The following DPP10 variants were observed in gnomAD, a reference collection of about 807,000 sequenced individuals.
The protein encoded by DPP10 is dipeptidyl peptidase like 10.
Under a neutral mutation model 120.9 loss-of-function variants are expected in DPP10, and 33 were observed. The ratio of observed to expected loss-of-function variants is 0.27; its 90% CI spans 0.21 to 0.37. The LOEUF (loss-of-function observed/expected upper bound fraction) is 0.37. DPP10 is among the 10% of genes least tolerant of loss of function. The pLI is 1.00. For synonymous variants in DPP10, 337 were observed against 326.1 expected, an observed-to-expected ratio of 1.03 and a Z score of -0.36; for missense variants, 816 against 942.8, an observed-to-expected ratio of 0.87 and a Z score of 1.76.
chr2:115,048,143 G>A (rs375370406), intron 1 of DPP10, among the ~76,000 whole-genome samples: 2 of 152,094 alleles, frequency 1.3e-5, no homozygotes, highest in East Asian at 3.8e-4. Context: ...ACGGTCAACA[G>A]CGTATTGTAT....
intron 1 of DPP10, among the ~76,000 whole-genome samples, chr2:115,246,807 G>A (rs1451487802): frequency 6.6e-6 from 1 of 152,070 alleles, no homozygotes. Context: ...AGTAAAATAA[G>A]TATAACCACA....
chr2:115,438,051 G>C (rs1170930553), intron 3 of DPP10, among the ~76,000 whole-genome samples: 1 of 152,000 alleles, frequency 6.6e-6, no homozygotes, highest in Non-Finnish European at 1.5e-5. Context: ...AAAAATGAGA[G>C]ATGGGCCTGT....
At chr2:115,710,932 G>T (rs1251662376) in intron 7 of DPP10, among the ~76,000 whole-genome samples, 1 of 152,016 alleles carries the variant, frequency 6.6e-6, no homozygotes, top group African/African-American at 2.4e-5. Context: ...AGAAACAACA[G>T]GACTTGAGTT....
chr2:114,547,355 C>T (rs1256464905), intron 1 of DPP10, among the ~76,000 whole-genome samples: 1 of 152,202 alleles, frequency 6.6e-6, no homozygotes. Context: ...GCATGGGAGG[C>T]ATCGGGGTTG....
chr2:114,834,324 T>C (rs187174984), intron 1 of DPP10, among the ~76,000 whole-genome samples: 103 of 151,566 alleles, frequency 6.8e-4, no homozygotes, highest in African/African-American at 2.4e-3. Context: ...AAGCCATGTC[T>C]ACACACCTAT....
chr2:114,808,617 C>A (rs1229181495), intron 1 of DPP10, among the ~76,000 whole-genome samples: 1 of 151,454 alleles, frequency 6.6e-6, no homozygotes, highest in African/African-American at 2.4e-5. Context: ...AACCGTTTAC[C>A]GTGGCCTACA....
Position 115,613,164 on chromosome 2 carries a change from G to A in DPP10, c.442-76523G>A, listed in dbSNP as rs1173686704. ...TGATTTCTAGGAGCGCCAGATGCTT[G>A]GATGCTATTTTTATATAGATAGAAA... On this transcript the variant is annotated intron_variant, in intron 5 of 25. Transcript: ENST00000410059. Among the ~76,000 whole-genome samples the A allele has an allele frequency of 3.3e-5, 5 of 152,176 alleles. No individual in the cohort carries two copies. In the South Asian group the frequency reaches 8.3e-4, roughly 25 times the overall value.
chr2:114,894,025 A>G (rs1692766128), intron 1 of DPP10, among the ~76,000 whole-genome samples: 1 of 151,994 alleles, frequency 6.6e-6, no homozygotes, highest in African/African-American at 2.4e-5. Context: ...TTATCTATGC[A>G]CCTCTCCACT....
chr2:114,646,476 C>T (rs920112726), intron 1 of DPP10, among the ~76,000 whole-genome samples: 19 of 151,932 alleles, frequency 1.3e-4, no homozygotes, highest in Non-Finnish European at 2.1e-4. Context: ...AGTCTTGGGG[C>T]ACTTTTGGTC....
At chr2:115,542,793 T>C (rs939777824) in intron 5 of DPP10, among the ~76,000 whole-genome samples, 3 of 151,896 alleles carry the variant, frequency 2.0e-5, no homozygotes, top group African/African-American at 4.8e-5. Context: ...ATGGTGATTG[T>C]ATTAGGTGAC....
At chr2:115,255,084 AG>A (rs1232404722) in intron 1 of DPP10, among the ~76,000 whole-genome samples, 2 of 152,038 alleles carry the variant, frequency 1.3e-5, no homozygotes, top group African/African-American at 4.8e-5. Context: ...GCCGTAGGAG[AG>A]GTTCTCCATG....
chr2:114,552,245 T>C (rs1471802246), intron 1 of DPP10, among the ~76,000 whole-genome samples: 2 of 152,198 alleles, frequency 1.3e-5, no homozygotes, highest in Non-Finnish European at 2.9e-5. Context: ...GTCATGAGGA[T>C]TGGATGAGAC....
chr2:115,058,742 A>G (rs1041818216), intron 1 of DPP10, among the ~76,000 whole-genome samples: 7 of 84,276 alleles, frequency 8.3e-5, no homozygotes, highest in Non-Finnish European at 1.7e-4. Flanking sequence ...GAAAAAGTCA[A>G]CAATCTTTTT....
intron 1 of DPP10, among the ~76,000 whole-genome samples, chr2:115,160,227 A>T (rs1559160955): frequency 2.6e-5 from 4 of 152,238 alleles, no homozygotes; most frequent in African/African-American, 9.6e-5. Context: ...CAGAATAAAT[A>T]GGTCTTTCAC....
At chr2:114,720,539 G>A (rs1701638580) in intron 1 of DPP10, among the ~76,000 whole-genome samples, 1 of 152,114 alleles carries the variant, frequency 6.6e-6, no homozygotes, top group Non-Finnish European at 1.5e-5. Flanking sequence ...ATAGAGTTAA[G>A]ATAAATATTT....
At chr2:115,094,891 A>G (rs1453513119) in intron 1 of DPP10, among the ~76,000 whole-genome samples, 1 of 152,224 alleles carries the variant, frequency 6.6e-6, no homozygotes, top group Non-Finnish European at 1.5e-5. Context: ...ACAATTTAAA[A>G]TGTAACAATT....
intron 1 of DPP10, among the ~76,000 whole-genome samples, chr2:115,087,710 C>T (rs565128904): frequency 7.2e-5 from 11 of 151,852 alleles, no homozygotes; most frequent in African/African-American, 1.7e-4. Context: ...TGCATCACCA[C>T]GCCCAGCTAA....
At chr2:115,810,897 C>A (rs1242599621) in intron 19 of DPP10, among the ~76,000 whole-genome samples, 1 of 152,160 alleles carries the variant, frequency 6.6e-6, no homozygotes, top group South Asian at 2.1e-4. Context: ...TGGAGCTCAG[C>A]AATCTTGCAC....
chr2:114,639,888 G>T (rs2105422001), intron 1 of DPP10, among the ~76,000 whole-genome samples: 1 of 151,874 alleles, frequency 6.6e-6, no homozygotes, highest in Non-Finnish European at 1.5e-5. Flanking sequence ...ATTTCTATTG[G>T]AATCAGTTGA....
Sources: allele counts gnomAD v4.1 joint callset (sites outside exome capture counted in the v4.1 genomes callset), GRCh38; gene constraint gnomAD v4.1.1; transcripts MANE v1.5; gene names NCBI Gene and HGNC (gene_info 2026-07-23, HGNC 2026-07-21).